CYRIA: variants seen among roughly 807,000 people sequenced by gnomAD.
CYRIA encodes CYFIP related Rac1 interactor A, also known as CYFIP-related Rac1 interactor A.
CYRIA carries 15 observed loss-of-function variants against 43.9 expected under a neutral mutation model. The ratio of observed to expected loss-of-function variants is 0.34; its 90% CI spans 0.23 to 0.53. CYRIA has a LOEUF of 0.53. CYRIA is among the 20% of genes least tolerant of loss of function. The probability of loss-of-function intolerance (pLI) is 0.94; values close to 1 mark genes in which losing one functional copy is unlikely to be tolerated. For missense variants in CYRIA, 236 were observed against 394.2 expected (o/e 0.60, Z 3.40); for synonymous variants, 117 against 136.0 (o/e 0.86, Z 0.97).
intron 1 of CYRIA, among the ~76,000 whole-genome samples, chr2:16,660,070 T>G (rs1340931172): frequency 1.3e-5 from 2 of 152,080 alleles, no homozygotes; most frequent in Admixed American, 1.3e-4. Flanking sequence ...AAAACACACT[T>G]GGTTCTCTGC....
chr2:16,623,642 T>C (rs1309117369), intron 2 of CYRIA, among the ~76,000 whole-genome samples: 1 of 152,192 alleles, frequency 6.6e-6, no homozygotes, highest in Non-Finnish European at 1.5e-5. Flanking sequence ...GTTCTTCCCC[T>C]GCATGTAATT....
chr2:16,571,593 A>G (rs1046931807), intron 3 of CYRIA, among the ~76,000 whole-genome samples: 1 of 152,260 alleles, frequency 6.6e-6, no homozygotes, highest in Non-Finnish European at 1.5e-5. Flanking sequence ...CAGAGAATCA[A>G]ACTAAACTAA....
intron 2 of CYRIA, among the ~76,000 whole-genome samples, chr2:16,608,989 G>A (rs1244863199): frequency 6.6e-6 from 1 of 152,126 alleles, no homozygotes; most frequent in Non-Finnish European, 1.5e-5. Flanking sequence ...CAAGGCACAT[G>A]GGTCCACAGA....
Position 16,561,087 on chromosome 2 carries a change from A to G in CYRIA, c.631-18T>C. Reference sequence around the variant, plus strand: ...GTTTTGTTCTAAATGGGAGACACAAATGTACATTAGTCCTGCTTGCAGCTC... The same window carrying G: ...GTTTTGTTCTAAATGGGAGACACAAGTGTACATTAGTCCTGCTTGCAGCTC... On this transcript the variant is annotated intron_variant, in intron 8 of 11. Transcript: ENST00000381323. The G allele has an allele frequency of 1.2e-6, 2 of 1,612,902 alleles. No individual in the cohort carries two copies. The highest frequency in any genetic ancestry group is 1.7e-6 in the Non-Finnish European group (2 of 1,178,972).
chr2:16,558,234 T>A (rs1191145544), intron 10 of CYRIA, among the ~76,000 whole-genome samples: 1 of 152,208 alleles, frequency 6.6e-6, no homozygotes, highest in Non-Finnish European at 1.5e-5. Context: ...AATATTTATT[T>A]TCTTGGTACA....
chr2:16,605,389 C>T (rs564812617), intron 2 of CYRIA, among the ~76,000 whole-genome samples: 13 of 152,346 alleles, frequency 8.5e-5, no homozygotes, highest in African/African-American at 1.9e-4. Flanking sequence ...GGCTCAGCTC[C>T]GGCCCAGGCC....
At chr2:16,652,328 C>G (rs1669997885) in intron 1 of CYRIA, among the ~76,000 whole-genome samples, 1 of 152,150 alleles carries the variant, frequency 6.6e-6, no homozygotes, top group African/African-American at 2.4e-5. Context: ...CACTTTTTGT[C>G]CTGAGGAGCA....
chr2:16,641,294 A>G (rs1416662481), intron 1 of CYRIA, among the ~76,000 whole-genome samples: 1 of 152,006 alleles, frequency 6.6e-6, no homozygotes, highest in Non-Finnish European at 1.5e-5. Flanking sequence ...TCCTAGCCTC[A>G]TTCTCCGCTC....
At chr2:16,637,335 T>A (rs564394946) in intron 1 of CYRIA, among the ~76,000 whole-genome samples, 1 of 152,170 alleles carries the variant, frequency 6.6e-6, no homozygotes, top group East Asian at 1.9e-4. Context: ...GAGGGAAGAT[T>A]CTTTGGGAAG....
intron 1 of CYRIA, among the ~76,000 whole-genome samples, chr2:16,665,086 A>G (rs925651387): frequency 1.3e-5 from 2 of 152,212 alleles, no homozygotes; most frequent in Non-Finnish European, 2.9e-5. Context: ...CCATTTTGAC[A>G]GAGAATGTCT....
At chr2:16,587,274 G>A (rs1249471257) in intron 3 of CYRIA, among the ~76,000 whole-genome samples, 1 of 152,010 alleles carries the variant, frequency 6.6e-6, no homozygotes, top group Admixed American at 6.6e-5. Flanking sequence ...GTAAATTACT[G>A]TCCTTAGTAC....
intron 1 of CYRIA, among the ~76,000 whole-genome samples, chr2:16,663,263 C>T (rs950898300): frequency 1.5e-4 from 23 of 152,226 alleles, no homozygotes; most frequent in Admixed American, 9.2e-4. Flanking sequence ...AGGATAGATG[C>T]TGTCAACCCC....
chr2:16,656,851 C>A (rs1422352554), intron 1 of CYRIA, among the ~76,000 whole-genome samples: 2 of 152,148 alleles, frequency 1.3e-5, no homozygotes, highest in Non-Finnish European at 2.9e-5. Flanking sequence ...GCGTCAGTGG[C>A]GTGAATGGCA....
At chr2:16,590,663 G>A (rs1667900112) in intron 2 of CYRIA, among the ~76,000 whole-genome samples, 1 of 152,086 alleles carries the variant, frequency 6.6e-6, no homozygotes, top group African/African-American at 2.4e-5. Context: ...TTATCTCAGT[G>A]GATTGGCTGA....
intron 3 of CYRIA, among the ~76,000 whole-genome samples, chr2:16,576,729 A>T (rs539855915): frequency 6.6e-6 from 1 of 152,318 alleles, no homozygotes; most frequent in South Asian, 2.1e-4. Context: ...TACCCCTTTT[A>T]TGATAATGTG....
At chr2:16,626,358 A>C (rs183684164) in intron 1 of CYRIA, among the ~76,000 whole-genome samples, 4 of 152,212 alleles carry the variant, frequency 2.6e-5, no homozygotes, top group Non-Finnish European at 4.4e-5. Context: ...GTACGGTTAA[A>C]AATCTTCTGA....
chr2:16,629,355 C>G (rs1669258414), intron 1 of CYRIA, among the ~76,000 whole-genome samples: 1 of 152,182 alleles, frequency 6.6e-6, no homozygotes, highest in Non-Finnish European at 1.5e-5. Flanking sequence ...TTGTTTTACT[C>G]TTTCCCTAAG....
intron 3 of CYRIA, among the ~76,000 whole-genome samples, chr2:16,571,625 C>T (rs549495085): frequency 1.3e-5 from 2 of 152,268 alleles, no homozygotes; most frequent in South Asian, 2.1e-4. Context: ...TAGAAAACAC[C>T]ATTTACATAG....
intron 10 of CYRIA, among the ~76,000 whole-genome samples, chr2:16,558,330 A>C (rs188390908): frequency 2.6e-5 from 4 of 152,284 alleles, no homozygotes; most frequent in Non-Finnish European, 1.5e-5. Context: ...AAAATAAGTA[A>C]TCCAAGTTAC....
Sources: allele counts gnomAD v4.1 joint callset (sites outside exome capture counted in the v4.1 genomes callset), GRCh38; gene constraint gnomAD v4.1.1; transcripts MANE v1.5; gene names NCBI Gene and HGNC (gene_info 2026-07-23, HGNC 2026-07-21).